KIAA1958: variants seen among roughly 807,000 people sequenced by gnomAD.
The protein encoded by KIAA1958 is KIAA1958.
KIAA1958 carries 14 observed loss-of-function variants against 47.2 expected under a neutral mutation model. The ratio of observed to expected loss-of-function variants is 0.30; its 90% CI spans 0.20 to 0.46. The LOEUF is 0.46. Ranked by LOEUF, KIAA1958 falls within the 20% of genes least tolerant of loss-of-function variation. KIAA1958 has a pLI of 1.00. For synonymous variants in KIAA1958, 354 were observed against 353.3 expected, an observed-to-expected ratio of 1.00 and a Z score of -0.02; for missense variants, 803 against 909.2, an observed-to-expected ratio of 0.88 and a Z score of 1.50.
At chr9:112,616,005 T>C (rs1836403135) in intron 2 of KIAA1958, among the ~76,000 whole-genome samples, 1 of 152,262 alleles carries the variant, frequency 6.6e-6, no homozygotes, top group Admixed American at 6.5e-5. Flanking sequence ...GTTAGAAGAC[T>C]GCTGTGATAG....
chr9:112,593,995 A>G (rs1026158304), intron 2 of KIAA1958, among the ~76,000 whole-genome samples: 10 of 151,996 alleles, frequency 6.6e-5, no homozygotes, highest in African/African-American at 2.2e-4. Context: ...CTCCTAAGCA[A>G]CTAGGACTAC....
intron 2 of KIAA1958, among the ~76,000 whole-genome samples, chr9:112,593,568 T>TTTTTTG (rs748701355): frequency 2.0e-4 from 31 of 152,162 alleles, no homozygotes; most frequent in Non-Finnish European, 3.1e-4. Context: ...CTATATTTGT[T>TTTTTTG]TTTTTGTTTT....
chr9:112,511,255 C>T (rs1292107047), intron 1 of KIAA1958, among the ~76,000 whole-genome samples: 1 of 152,174 alleles, frequency 6.6e-6, no homozygotes, highest in Non-Finnish European at 1.5e-5. Flanking sequence ...TCTTGGGATC[C>T]ATCCCAGACA....
intron 2 of KIAA1958, among the ~76,000 whole-genome samples, chr9:112,620,901 T>C (rs996065124): frequency 6.6e-6 from 1 of 152,208 alleles, no homozygotes; most frequent in African/African-American, 2.4e-5. Flanking sequence ...TTGGCAAATA[T>C]TTCTTCAGAC....
chr9:112,605,880 T>C (rs1257063611), intron 2 of KIAA1958, among the ~76,000 whole-genome samples: 1 of 152,258 alleles, frequency 6.6e-6, no homozygotes, highest in African/African-American at 2.4e-5. Context: ...GTGTCACTTA[T>C]CCTCTCTGAT....
chr9:112,643,487 C>T (rs1327664368), intron 2 of KIAA1958, among the ~76,000 whole-genome samples: 1 of 152,148 alleles, frequency 6.6e-6, no homozygotes, highest in East Asian at 1.9e-4. Flanking sequence ...AAATTTTATA[C>T]AAGAGTCCTT....
intron 2 of KIAA1958, among the ~76,000 whole-genome samples, chr9:112,597,541 C>G (rs772850060): frequency 6.6e-6 from 1 of 152,230 alleles, no homozygotes; most frequent in Non-Finnish European, 1.5e-5. Context: ...TGTTCCAGGA[C>G]ATGGGCCAAC....
At position 112,667,915 on chromosome 9, in the gene KIAA1958, G is replaced by A. The variant is rs924952414; in HGVS notation, c.*7846G>A. 2 of 152,150 alleles carry A rather than the reference G, an allele frequency of 1.3e-5. No individual in the cohort carries two copies. Among genetic ancestry groups the A allele is most frequent in the African/African-American group, 4.8e-5 (2 of 41,432 alleles). 9.4% of individuals were successfully genotyped at this position (152,150 alleles called of 1,614,324 possible). ...AATACCAGGACATTATCCACTAGAG[G>A]AAGGGTATGTATGCTTTTAAATAGA... On this transcript the variant is annotated 3_prime_UTR_variant, in exon 4 of 4. Transcript: ENST00000337530.
chr9:112,585,507 A>T (rs1835809101), intron 2 of KIAA1958, among the ~76,000 whole-genome samples: 1 of 152,212 alleles, frequency 6.6e-6, no homozygotes, highest in Non-Finnish European at 1.5e-5. Flanking sequence ...TGTGCATGTG[A>T]TGTCACAGTG....
At chr9:112,580,904 G>A (rs1445047944) in intron 2 of KIAA1958, among the ~76,000 whole-genome samples, 2 of 152,110 alleles carry the variant, frequency 1.3e-5, no homozygotes, top group Non-Finnish European at 2.9e-5. Flanking sequence ...AAAAATAAGA[G>A]AGACAAAGTA....
rs367932637 is a variant in KIAA1958, at chr9:112,607,749, C to CAAAAAAAAAAAAAAAAAAA, written c.1171+32515_1171+32516insAAAAAAAAAAAAAAAAAAA. On this transcript the variant is annotated intron_variant, in intron 2 of 3. Coordinates refer to ENST00000337530, the MANE Select transcript of KIAA1958 (RefSeq NM_133465.4). ...AAGATAATCATTTAGATATCCAAGA[C>CAAAAAAAAAAAAAAAAAAA]AAAAAAAAAAAAAAAAAGGCAAAGG... 1.7e-5 allele frequency among the ~76,000 whole-genome samples: 2 copies of CAAAAAAAAAAAAAAAAAAA among 118,870 alleles called. 1 individual carries two copies. Among genetic ancestry groups the CAAAAAAAAAAAAAAAAAAA allele is most frequent in the Non-Finnish European group, 3.4e-5 (2 of 59,660 alleles). 78.0% of individuals were successfully genotyped at this position (118,870 alleles called of 152,430 possible). A position where few individuals can be genotyped will look rare whatever the true frequency, so the allele number is the denominator to read the frequency against.
Position 112,589,323 on chromosome 9 carries a change from G to A in KIAA1958, c.1171+14072G>A, listed in dbSNP as rs184186834. Among the ~76,000 whole-genome samples, 253 of 152,290 alleles carry A rather than the reference G, an allele frequency of 1.7e-3. 1 individual carries two copies. Among genetic ancestry groups the A allele is most frequent in the African/African-American group, 5.5e-3 (230 of 41,554 alleles). On this transcript the variant is annotated intron_variant, in intron 2 of 3. Transcript: ENST00000337530. ...TTTAAGAATGCAGGACAGGCTGGGCGCAGTGGCTTACGCCTGTAATCCCAG... is the reference window on the plus strand; with the variant it reads ...TTTAAGAATGCAGGACAGGCTGGGCACAGTGGCTTACGCCTGTAATCCCAG...
At chr9:112,512,400 A>G (rs1834338071) in intron 1 of KIAA1958, among the ~76,000 whole-genome samples, 1 of 152,174 alleles carries the variant, frequency 6.6e-6, no homozygotes, top group African/African-American at 2.4e-5. Context: ...AAACCATATG[A>G]TCATTTGATT....
chr9:112,566,181 G>A (rs1171295204), intron 1 of KIAA1958, among the ~76,000 whole-genome samples: 1 of 152,048 alleles, frequency 6.6e-6, no homozygotes, highest in Non-Finnish European at 1.5e-5. Flanking sequence ...GGGATTACAG[G>A]CATGAGCCAC....
In KIAA1958 at chr9:112,499,479, T is replaced by A. The variant is rs549810230; in HGVS notation, c.-25+12361T>A. Reference sequence around the variant, plus strand: ...TGATAATGTAGTCTTAGAAATATTTTCCTTTTGAATTTTGTTAATGAGTAT... The same window carrying A: ...TGATAATGTAGTCTTAGAAATATTTACCTTTTGAATTTTGTTAATGAGTAT... On this transcript the variant is annotated intron_variant, in intron 1 of 3. Transcript: ENST00000337530. Among the ~76,000 whole-genome samples, 3 of 152,252 alleles carry A rather than the reference T, an allele frequency of 2.0e-5. No homozygotes were observed. In the South Asian group the frequency reaches 6.2e-4, roughly 32 times the overall value.
At position 112,602,253 on chromosome 9, in the gene KIAA1958, G is replaced by A. The variant is rs149222861; in HGVS notation, c.1171+27002G>A. 2.6e-3 allele frequency among the ~76,000 whole-genome samples: 403 copies of A among 152,230 alleles called. 2 individuals carry two copies. The highest frequency in any genetic ancestry group is 9.2e-3 in the African/African-American group (383 of 41,528). Reference sequence around the variant, plus strand: ...TTCCCCCAAAAGATTGCAGGTATTAGGAGCTATTGCTATAATATTTTCAAA... The same window carrying A: ...TTCCCCCAAAAGATTGCAGGTATTAAGAGCTATTGCTATAATATTTTCAAA... On this transcript the variant is annotated intron_variant, in intron 2 of 3. Transcript: ENST00000337530.
At chr9:112,605,224 T>A (rs1377870913) in intron 2 of KIAA1958, among the ~76,000 whole-genome samples, 1 of 152,074 alleles carries the variant, frequency 6.6e-6, no homozygotes, top group African/African-American at 2.4e-5. Context: ...GTAAGTCTAA[T>A]CACCTGCTGT....
At chr9:112,615,957 T>C (rs1836402530) in intron 2 of KIAA1958, among the ~76,000 whole-genome samples, 1 of 152,234 alleles carries the variant, frequency 6.6e-6, no homozygotes, top group African/African-American at 2.4e-5. Context: ...CCCAAAGTTG[T>C]CTGTGACTGT....
At chr9:112,578,524 G>T (rs559919441) in intron 2 of KIAA1958, among the ~76,000 whole-genome samples, 5 of 152,196 alleles carry the variant, frequency 3.3e-5, no homozygotes, top group African/African-American at 1.2e-4. Context: ...AATGACTATT[G>T]AGTCAGCCAG....
Sources: gnomAD v4.1 joint callset for allele counts (sites outside exome capture counted in the v4.1 genomes callset) on GRCh38, gnomAD v4.1.1 for gene constraint, MANE v1.5 for transcripts, NCBI Gene and HGNC (gene_info 2026-07-23, HGNC 2026-07-21) for gene names.